The following SGCZ variants were observed in gnomAD, a reference collection of about 807,000 sequenced individuals.
SGCZ encodes the protein zeta-sarcoglycan.
Under a neutral mutation model 41.3 loss-of-function variants are expected in SGCZ, and 40 were observed. That is an observed-to-expected ratio of 0.97 (90% CI 0.75 to 1.26). The LOEUF (loss-of-function observed/expected upper bound fraction) is 1.26, where lower values mean the gene tolerates loss of function less well. SGCZ is among the 50% of genes most tolerant of loss of function. The pLI is 0.00. For missense variants in SGCZ, 552 were observed against 369.8 expected, an observed-to-expected ratio of 1.49 and a Z score of -4.04; for synonymous variants, 206 against 137.5, an observed-to-expected ratio of 1.50 and a Z score of -3.49.
intron 2 of SGCZ, among the ~76,000 whole-genome samples, chr8:14,340,585 T>G (rs1446104301): frequency 6.6e-6 from 1 of 152,130 alleles, no homozygotes; most frequent in African/African-American, 2.4e-5. Flanking sequence ...GCACAAGTAC[T>G]TGTAAGTACT....
chr8:14,170,902 G>T (rs1804358911), intron 4 of SGCZ, among the ~76,000 whole-genome samples: 1 of 152,142 alleles, frequency 6.6e-6, no homozygotes, highest in South Asian at 2.1e-4. Context: ...AATGAAAGGA[G>T]ATTGTGATTA....
intron 1 of SGCZ, among the ~76,000 whole-genome samples, chr8:14,892,980 T>C (rs1805068916): frequency 6.6e-6 from 1 of 152,180 alleles, no homozygotes. Flanking sequence ...TATTCTTCCA[T>C]ACAGAGCATA....
At chr8:14,731,402 G>A (rs961066589) in intron 1 of SGCZ, among the ~76,000 whole-genome samples, 1 of 151,960 alleles carries the variant, frequency 6.6e-6, no homozygotes, top group African/African-American at 2.4e-5. Context: ...GGGGGATAGG[G>A]GAGGGAGAGT....
intron 5 of SGCZ, among the ~76,000 whole-genome samples, chr8:14,132,591 G>C (rs1163818165): frequency 2.0e-5 from 3 of 151,920 alleles, no homozygotes; most frequent in African/African-American, 2.4e-5. Flanking sequence ...CTTAGTTTTT[G>C]TCCATGTTTT....
At position 14,276,052 on chromosome 8, in the gene SGCZ, G is replaced by C. The variant is rs1478296774; in HGVS notation, c.337-38373C>G. Among the ~76,000 whole-genome samples, 3 of 152,218 alleles carry C rather than the reference G, an allele frequency of 2.0e-5. No homozygotes were observed. The East Asian group carries it at 5.8e-4, about 29-fold the overall frequency. On this transcript the variant is annotated intron_variant, in intron 3 of 7. Coordinates refer to ENST00000382080, the MANE Select transcript of SGCZ (RefSeq NM_139167.4). ...ATAAAGCCATGATGCTTCTCCGCCT[G>C]TGCTAGAGGTGGACCTGCTTCTTCC...
intron 1 of SGCZ, among the ~76,000 whole-genome samples, chr8:15,233,245 C>T (rs1189813505): frequency 1.3e-5 from 2 of 149,974 alleles, no homozygotes; most frequent in Admixed American, 6.6e-5. Flanking sequence ...AACAAAATAC[C>T]ACCTACTTAG....
At chr8:14,981,892 G>A (rs148578264) in intron 1 of SGCZ, among the ~76,000 whole-genome samples, 9,485 of 152,250 alleles carry the variant, frequency 0.062, 561 homozygotes, top group African/African-American at 0.15. Context: ...GCTCACACCT[G>A]TAATCCCAGC....
intron 1 of SGCZ, among the ~76,000 whole-genome samples, chr8:15,187,168 G>A (rs1800373945): frequency 6.6e-6 from 1 of 152,034 alleles, no homozygotes; most frequent in Non-Finnish European, 1.5e-5. Context: ...ATTTATTTAA[G>A]TAAATAAAGC....
At chr8:14,412,670 G>T (rs902556878) in intron 2 of SGCZ, among the ~76,000 whole-genome samples, 1 of 151,880 alleles carries the variant, frequency 6.6e-6, no homozygotes, top group African/African-American at 2.4e-5. Context: ...TTTCAATAAG[G>T]AATTACAACC....
chr8:14,795,543 A>G (rs1470329933), intron 1 of SGCZ, among the ~76,000 whole-genome samples: 2 of 152,138 alleles, frequency 1.3e-5, no homozygotes, highest in African/African-American at 4.8e-5. Flanking sequence ...CCTAGACACA[A>G]GGAAGCGTTC....
At chr8:14,741,293 G>A (rs1186635689) in intron 1 of SGCZ, among the ~76,000 whole-genome samples, 1 of 151,924 alleles carries the variant, frequency 6.6e-6, no homozygotes, top group Non-Finnish European at 1.5e-5. Flanking sequence ...CAAAAATTAA[G>A]CCCATCTTTT....
At chr8:14,632,649 A>C (rs1806696498) in intron 1 of SGCZ, among the ~76,000 whole-genome samples, 1 of 152,226 alleles carries the variant, frequency 6.6e-6, no homozygotes, top group South Asian at 2.1e-4. Flanking sequence ...CACTTTAAAT[A>C]TAACAACAGA....
chr8:14,951,787 G>A (rs1800649764), intron 1 of SGCZ, among the ~76,000 whole-genome samples: 1 of 152,018 alleles, frequency 6.6e-6, no homozygotes, highest in African/African-American at 2.4e-5. Flanking sequence ...TTTGTGATCA[G>A]ATCAATGGCA....
intron 2 of SGCZ, among the ~76,000 whole-genome samples, chr8:14,338,989 A>G (rs550626950): frequency 9.8e-5 from 15 of 152,304 alleles, no homozygotes; most frequent in African/African-American, 3.6e-4. Context: ...CTCAAAAATG[A>G]AATTGAACTT....
chr8:14,326,458 A>C (rs1368080762), intron 2 of SGCZ, among the ~76,000 whole-genome samples: 1 of 152,190 alleles, frequency 6.6e-6, no homozygotes, highest in Non-Finnish European at 1.5e-5. Flanking sequence ...TAAATTTTTT[A>C]AAAAGCCAGA....
intron 1 of SGCZ, among the ~76,000 whole-genome samples, chr8:15,227,137 G>A (rs1051882015): frequency 7.2e-5 from 11 of 152,048 alleles, no homozygotes; most frequent in Non-Finnish European, 1.5e-4. Flanking sequence ...ATACATAACC[G>A]GGCATCATCA....
intron 3 of SGCZ, among the ~76,000 whole-genome samples, chr8:14,262,785 T>C (rs1179415639): frequency 2.1e-5 from 3 of 139,648 alleles, no homozygotes; most frequent in Non-Finnish European, 4.6e-5. Flanking sequence ...ATGATGCAAA[T>C]CCCAGTCAAA....
At chr8:14,890,704 T>C (rs939553564) in intron 1 of SGCZ, among the ~76,000 whole-genome samples, 1 of 152,208 alleles carries the variant, frequency 6.6e-6, no homozygotes, top group Non-Finnish European at 1.5e-5. Flanking sequence ...TCAACATAGA[T>C]GAAATTGCCT....
rs549752073 is a variant in SGCZ, at chr8:14,169,691, T to G, written c.425-4989A>C. Among the ~76,000 whole-genome samples the G allele has an allele frequency of 4.6e-5, 7 of 152,292 alleles. No individual in the cohort carries two copies. The South Asian group carries it at 1.4e-3, about 32-fold the overall frequency. ...AATTGTCCAGTTCTGTTATGAGCAT[T>G]ATTTTCTCTGACCAAAGCAATTGAT... On this transcript the variant is annotated intron_variant, in intron 4 of 7. Coordinates refer to ENST00000382080, the MANE Select transcript of SGCZ (RefSeq NM_139167.4).
Sources: allele counts gnomAD v4.1 joint callset (sites outside exome capture counted in the v4.1 genomes callset), GRCh38; gene constraint gnomAD v4.1.1; transcripts MANE v1.5; gene names NCBI Gene and HGNC (gene_info 2026-07-23, HGNC 2026-07-21).